Variants in ADGRE3 observed in about 807,000 individuals in gnomAD.
ADGRE3 encodes EGF-like module receptor 3.
Under a neutral mutation model 80.1 loss-of-function variants are expected in ADGRE3, and 88 were observed. The observed-to-expected ratio is 1.10, with a 90% CI of 0.93 to 1.31. The LOEUF (loss-of-function observed/expected upper bound fraction) is 1.31. Among genes scored for constraint, ADGRE3 ranks in the 40% most tolerant of loss-of-function variants. The probability of loss-of-function intolerance (pLI) is 0.00; values close to 1 mark genes in which losing one functional copy is unlikely to be tolerated. For missense variants in ADGRE3, 715 were observed against 776.5 expected (o/e 0.92, Z 0.94); for synonymous variants, 281 against 294.8 (o/e 0.95, Z 0.48).
chr19:14,618,100 T>C (rs1599594489), downstream of ADGRE3, among the ~76,000 whole-genome samples: 1 of 152,124 alleles, frequency 6.6e-6, no homozygotes, highest in African/African-American at 2.4e-5. Context: ...ACTTTAAACA[T>C]TTATTTATTT....
At chr19:14,611,371 CTTTTTTTTTTTT>C in the ADGRE3 span, among the ~76,000 whole-genome samples, 1 of 75,972 alleles carries the variant, frequency 1.3e-5, no homozygotes, top group Non-Finnish European at 2.5e-5. Flanking sequence ...AACTTCTATC[CTTTTTTTTTTTT>C]TTTTTTTTTT....
chr19:14,664,709 T>A (rs1972044452), intron 2 of ADGRE3, among the ~76,000 whole-genome samples: 1 of 151,968 alleles, frequency 6.6e-6, no homozygotes, highest in Non-Finnish European at 1.5e-5. Flanking sequence ...GCTCTGTCTC[T>A]AAAACAAAAG....
intron 4 of ADGRE3, among the ~76,000 whole-genome samples, chr19:14,660,021 C>A (rs1327915401): frequency 6.6e-6 from 1 of 151,822 alleles, no homozygotes; most frequent in Non-Finnish European, 1.5e-5. Flanking sequence ...GACTTACAAC[C>A]CTGAGTCTAG....
downstream of ADGRE3, among the ~76,000 whole-genome samples, chr19:14,617,094 C>CT (rs2075079060): frequency 6.6e-6 from 1 of 151,980 alleles, no homozygotes; most frequent in Admixed American, 6.6e-5. Flanking sequence ...CACACCCCAC[C>CT]TTTTTTTCTA....
At chr19:14,651,049 T>G (rs376457328) in intron 7 of ADGRE3, 36 bp downstream of exon 7, 11 of 1,612,558 alleles carry the variant, frequency 6.8e-6, no homozygotes, top group Admixed American at 5.0e-5. Context: ...GACATGGCTC[T>G]GTGTGAAGGA....
intron 11 of ADGRE3, among the ~76,000 whole-genome samples, chr19:14,636,554 C>T (rs556029043): frequency 3.9e-5 from 6 of 151,976 alleles, no homozygotes; most frequent in East Asian, 1.9e-4. Context: ...GTCTTTTGAA[C>T]AACACCCCAA....
chr19:14,624,584 A>ATC (rs1479421324), intron 15 of ADGRE3, among the ~76,000 whole-genome samples: 2 of 151,208 alleles, frequency 1.3e-5, no homozygotes, highest in Non-Finnish European at 1.5e-5. Context: ...GGGAGACTCC[A>ATC]TCTCTCTCTC....
At chr19:14,624,687 C>T (rs537456742) in intron 15 of ADGRE3, among the ~76,000 whole-genome samples, 23 of 150,004 alleles carry the variant, frequency 1.5e-4, no homozygotes, top group African/African-American at 5.2e-4. Context: ...CCCAGGAGGT[C>T]GAAACCGCAG....
intron 14 of ADGRE3, among the ~76,000 whole-genome samples, chr19:14,628,052 C>T (rs970047309): frequency 2.6e-5 from 4 of 151,806 alleles, no homozygotes; most frequent in Admixed American, 6.6e-5. Flanking sequence ...CACTTGAACC[C>T]GGGAGGCAGA....
rs201132449 is a variant in ADGRE3 at position 14,641,793 on chromosome 19, TAACGTAGATTGTTAATGTAGACTGCC to T, written c.1051-203_1051-178del. The stretch of plus-strand genomic sequence containing the variant: ...AATATACACTGCTAATATAGATGGC[TAACGTAGATTGTTAATGTAGACTGCC>T]AATGTAGATTGTTAATACAGACTGC... On this transcript the variant is annotated intron_variant, in intron 9 of 15. Transcript: ENST00000253673. Among the ~76,000 whole-genome samples the T allele has an allele frequency of 2.2e-4, 34 of 152,316 alleles. No individual in the cohort carries two copies. In the East Asian group the frequency reaches 6.4e-3, roughly 28 times the overall value.
chr19:14,617,344 T>TCCCTCTCTC (rs774654059), downstream of ADGRE3, among the ~76,000 whole-genome samples: 1 of 49,332 alleles, frequency 2.0e-5, no homozygotes, highest in Non-Finnish European at 4.0e-5. Flanking sequence ...CTCCCTCCCT[T>TCCCTCTCTC]TCTTTCTTTC....
At chr19:14,607,167 G>C in the ADGRE3 span, 3 of 649,712 alleles carry the variant, frequency 4.6e-6, no homozygotes, top group Non-Finnish European at 6.6e-6. Context: ...GGGGAGGGGA[G>C]AAGGTGATGG....
intron 4 of ADGRE3, among the ~76,000 whole-genome samples, chr19:14,658,993 A>G (rs1315741031): frequency 6.7e-6 from 1 of 149,724 alleles, no homozygotes; most frequent in Non-Finnish European, 1.5e-5. Flanking sequence ...TCGGCCTCCC[A>G]AAGGGCTGGG....
chr19:14,642,631 T>C (rs1336971485), intron 9 of ADGRE3, among the ~76,000 whole-genome samples: 1 of 152,178 alleles, frequency 6.6e-6, no homozygotes, highest in Non-Finnish European at 1.5e-5. Flanking sequence ...TGTCCATATG[T>C]CTCCTCATGT....
At chr19:14,651,301 A>G (rs1971601834) in intron 6 of ADGRE3, 97 bp from the exon 7 acceptor site, 1 of 1,340,980 alleles carries the variant, frequency 7.5e-7, no homozygotes. Flanking sequence ...TGTAGTCCCA[A>G]CTACTCAAGA....
intron 14 of ADGRE3, among the ~76,000 whole-genome samples, chr19:14,626,644 G>A: frequency 6.6e-6 from 1 of 152,144 alleles, no homozygotes; most frequent in Non-Finnish European, 1.5e-5. Flanking sequence ...TTATTTGAGG[G>A]GTGATCCCAA....
At position 14,633,286 on chromosome 19, in the gene ADGRE3, C is replaced by T. The variant is rs1399101643; in HGVS notation, c.1501G>A (p.Asp501Asn). ...GTADRCWLHL[D>N]QGFMWSFLGP... ...AGGAAACTCCACATGAATCCCTGGT[C>T]CAGGTGGAGCCAGCATCTAGGAACA... Residue 501 changes from aspartate (D) to asparagine (N), a missense_variant, in exon 12 of 16, where the codon GAC (aspartate) becomes AAC (asparagine). Transcript: ENST00000253673. 1 of 1,611,478 alleles carries T rather than the reference C, an allele frequency of 6.2e-7. No homozygotes were observed. The highest frequency in any genetic ancestry group is 8.5e-7 in the Non-Finnish European group (1 of 1,178,624).
intron 11 of ADGRE3, among the ~76,000 whole-genome samples, chr19:14,635,095 AT>A (rs781034633): frequency 1.6e-4 from 24 of 151,774 alleles, no homozygotes; most frequent in Non-Finnish European, 2.5e-4. Flanking sequence ...TGTTTATTTT[AT>A]TTTATTTATA....
intron 4 of ADGRE3, among the ~76,000 whole-genome samples, chr19:14,658,999 C>A (rs888554798): frequency 6.7e-6 from 1 of 150,116 alleles, no homozygotes. Context: ...TCCCAAAGGG[C>A]TGGGATTACA....
Sources: allele counts gnomAD v4.1 joint callset (sites outside exome capture counted in the v4.1 genomes callset), GRCh38; gene constraint gnomAD v4.1.1; transcripts MANE v1.5; gene names NCBI Gene and HGNC (gene_info 2026-07-23, HGNC 2026-07-21).